Variants in PVT1 observed in about 807,000 individuals in gnomAD.
PVT1 encodes the protein Pvt1 oncogene.
intron 2 of PVT1, among the ~76,000 whole-genome samples, chr8:127,875,591 C>T (rs537690574): frequency 6.0e-5 from 9 of 151,008 alleles, no homozygotes; most frequent in Admixed American, 1.3e-4. Flanking sequence ...CCTTCTTCTC[C>T]TCTAAGGCGC....
At chr8:127,948,369 C>T (rs1470623713) in intron 3 of PVT1, 1 of 173,126 alleles carries the variant, frequency 5.8e-6, no homozygotes. Context: ...ATAGATCCAT[C>T]TCCTAGCTGT....
In PVT1 at chr8:127,816,212, G is replaced by A. The variant is rs186245320; in HGVS notation, n.372+20141G>A. Among the ~76,000 whole-genome samples, 85 of 152,286 alleles carry A rather than the reference G, an allele frequency of 5.6e-4. 1 individual carries two copies. Among genetic ancestry groups the A allele is most frequent in the African/African-American group, 2.0e-3 (83 of 41,560 alleles). On this transcript the variant is annotated intron_variant and non_coding_transcript_variant, in intron 2 of 10. Coordinates refer to ENST00000651587, the Ensembl canonical transcript of PVT1. ...CCCATGACCTCTCCACCCTGCCTAG[G>A]ATCCAAACTATGAACACTGATGGTT...
At chr8:127,960,943 T>TGGGGGGGG (rs1219833158) in intron 3 of PVT1, among the ~76,000 whole-genome samples, 5 of 27,584 alleles carry the variant, frequency 1.8e-4, no homozygotes, top group East Asian at 1.3e-3. Flanking sequence ...TGTTTGGGGG[T>TGGGGGGGG]GGGGGGGGCG....
intron 3 of PVT1, among the ~76,000 whole-genome samples, chr8:127,893,475 G>A (rs1261932787): frequency 1.3e-5 from 2 of 152,132 alleles, no homozygotes; most frequent in Non-Finnish European, 2.9e-5. Context: ...TTGAACTCCT[G>A]ACTTCAAGTG....
intron 3 of PVT1, among the ~76,000 whole-genome samples, chr8:127,925,452 T>A: frequency 6.6e-6 from 1 of 152,260 alleles, no homozygotes; most frequent in East Asian, 1.9e-4. Context: ...TCTAGAAGGT[T>A]ATCTGTAAGC....
rs565368459 is a variant in PVT1, at chr8:127,888,017, T to C, written n.373-2572T>C. Among the ~76,000 whole-genome samples the C allele has an allele frequency of 2.4e-5, 3 of 125,170 alleles. No homozygotes were observed. In the East Asian group the frequency reaches 8.2e-4, roughly 34 times the overall value. The allele number at this position is 125,170 out of a possible 152,430, so 82.1% of individuals were successfully genotyped here. A position where few individuals can be genotyped will look rare whatever the true frequency, so the allele number is the denominator to read the frequency against. ...GTGCAGTGGCATGATCTTGGCTCAC[T>C]ACAACCTCGGCCTCCTGGGTTCAAG... On this transcript the variant is annotated intron_variant and non_coding_transcript_variant, in intron 2 of 10. Coordinates refer to ENST00000651587, the Ensembl canonical transcript of PVT1.
At chr8:127,907,301 G>A (rs1815835072) in intron 3 of PVT1, among the ~76,000 whole-genome samples, 1 of 152,108 alleles carries the variant, frequency 6.6e-6, no homozygotes, top group South Asian at 2.1e-4. Context: ...TTTCCAGACC[G>A]CCTGCTTCCT....
intron 2 of PVT1, among the ~76,000 whole-genome samples, chr8:127,833,984 T>G (rs988401133): frequency 6.6e-6 from 1 of 152,170 alleles, no homozygotes; most frequent in Non-Finnish European, 1.5e-5. Flanking sequence ...CAGGTGACAC[T>G]GAAGTTGACG....
chr8:127,884,312 T>A (rs369498880), intron 2 of PVT1, among the ~76,000 whole-genome samples: 1 of 152,268 alleles, frequency 6.6e-6, no homozygotes, highest in Non-Finnish European at 1.5e-5. Context: ...ACGTGCATTT[T>A]CAGATCATTC....
intron 5 of PVT1, among the ~76,000 whole-genome samples, chr8:128,090,653 G>T: frequency 6.6e-6 from 1 of 152,150 alleles, no homozygotes; most frequent in East Asian, 1.9e-4. Flanking sequence ...GGTCCCATGA[G>T]ATCAGACACT....
intron 2 of PVT1, among the ~76,000 whole-genome samples, chr8:127,885,372 C>T (rs1400514064): frequency 2.0e-5 from 3 of 152,168 alleles, no homozygotes; most frequent in Non-Finnish European, 2.9e-5. Context: ...CCACCTTAGA[C>T]TGGTAGCTTG....
intron 2 of PVT1, among the ~76,000 whole-genome samples, chr8:127,881,606 G>A (rs1030505341): frequency 4.6e-5 from 7 of 151,654 alleles, no homozygotes; most frequent in South Asian, 2.1e-4. Flanking sequence ...ACAGGTGCCC[G>A]CCACCACACT....
chr8:128,040,811 TTG>T (rs1300662029), intron 4 of PVT1, among the ~76,000 whole-genome samples: 2 of 151,936 alleles, frequency 1.3e-5, no homozygotes, highest in Admixed American at 1.3e-4. Flanking sequence ...CTTCTGTGTG[TTG>T]TTTGTGCTTG....
chr8:127,940,290 A>T (rs998977009), intron 3 of PVT1: 4 of 152,112 alleles, frequency 2.6e-5, no homozygotes, highest in African/African-American at 9.7e-5. Context: ...TTAAAGCCCA[A>T]CTTTTGGTAG....
chr8:127,915,592 A>C (rs888680012), intron 3 of PVT1, among the ~76,000 whole-genome samples: 1 of 148,522 alleles, frequency 6.7e-6, no homozygotes, highest in Non-Finnish European at 1.5e-5. Context: ...AGCCTGGGCA[A>C]CAAGAGCGAA....
intron 2 of PVT1, among the ~76,000 whole-genome samples, chr8:127,846,377 G>C (rs1159258677): frequency 6.6e-6 from 1 of 152,182 alleles, no homozygotes; most frequent in Non-Finnish European, 1.5e-5. Context: ...CTCTCTCCAA[G>C]GAGCAGGTAG....
At chr8:127,987,744 G>A (rs1029266773) in intron 3 of PVT1, among the ~76,000 whole-genome samples, 7 of 152,240 alleles carry the variant, frequency 4.6e-5, no homozygotes, top group African/African-American at 9.6e-5. Context: ...AGAGCCCACC[G>A]TCAACCAAGA....
chr8:128,049,414 G>T (rs146272430), intron 4 of PVT1, among the ~76,000 whole-genome samples: 58 of 152,338 alleles, frequency 3.8e-4, no homozygotes, highest in Non-Finnish European at 5.7e-4. Flanking sequence ...CTCTTGAGAG[G>T]CAGGCGGGCC....
chr8:127,845,281 C>T (rs1815019497), intron 2 of PVT1, among the ~76,000 whole-genome samples: 1 of 152,108 alleles, frequency 6.6e-6, no homozygotes, highest in African/African-American at 2.4e-5. Context: ...GAGTGAGGAG[C>T]TGGGGACTGA....
Sources: allele counts gnomAD v4.1 joint callset (sites outside exome capture counted in the v4.1 genomes callset), GRCh38; gene constraint gnomAD v4.1.1; transcripts MANE v1.5; gene names NCBI Gene and HGNC (gene_info 2026-07-23, HGNC 2026-07-21).